Variants in STARD9 observed in about 807,000 individuals in gnomAD.
STARD9 encodes stAR-related lipid transfer protein 9.
A neutral mutation model predicts 399.8 loss-of-function variants in STARD9; 346 were observed. The observed-to-expected ratio is 0.87, with a 90% CI of 0.79 to 0.95. The LOEUF (loss-of-function observed/expected upper bound fraction) is 0.95. STARD9 is among the 40% of genes least tolerant of loss of function. STARD9 has a pLI of 0.00. For synonymous variants in STARD9, 2,203 were observed against 2,143.5 expected (o/e 1.03, Z -0.77); for missense variants, 5,832 against 5,667.5 (o/e 1.03, Z -0.93).
rs764801067 is a variant in STARD9 at position 42,682,367 on chromosome 15, A to G, written c.2329A>G (p.Lys777Glu). Residue 777 changes from lysine (K) to glutamate (E), a missense_variant, in exon 22 of 33, where the codon AAA becomes GAA. Transcript: ENST00000290607. ...CTCATTCCAGCTAGAGAGAATCATCAAAAAGCAGAGGCTGCTGGAGGCCCA... is the reference window on the plus strand; with the variant it reads ...CTCATTCCAGCTAGAGAGAATCATCGAAAAGCAGAGGCTGCTGGAGGCCCA... The part of the protein sequence containing the change: ...KVSFQLERII[K>E]KQRLLEAQKR... The G allele has an allele frequency of 8.6e-5, 132 of 1,537,162 alleles. No homozygotes were observed. The highest frequency in any genetic ancestry group is 9.6e-5 in the Non-Finnish European group (110 of 1,146,912).
intron 1 of STARD9, among the ~76,000 whole-genome samples, chr15:42,579,907 C>T (rs770663496): frequency 7.2e-5 from 11 of 152,252 alleles, no homozygotes; most frequent in Admixed American, 4.6e-4. Context: ...TATGATCAGG[C>T]GTTACCCACC....
intron 3 of STARD9, among the ~76,000 whole-genome samples, chr15:42,612,749 C>T (rs1355894986): frequency 6.6e-6 from 1 of 152,078 alleles, no homozygotes; most frequent in African/African-American, 2.4e-5. Flanking sequence ...ATTGGGAGGC[C>T]GAGGTGGGCG....
chr15:42,688,657 G>A lies in STARD9; in HGVS notation c.7079G>A (p.Cys2360Tyr). ...GCTCTAGGCATCTCTTCACTTGACT[G>A]TGTGCTGGATCTCACAATGTTGAAA... ...PVALGISSLDCVLDLTMLKIH... is the reference protein window; with the variant it reads ...PVALGISSLDYVLDLTMLKIH... The change falls in exon 23 of 33, where the codon TGT becomes TAT. Residue 2360 changes from cysteine to tyrosine, a missense_variant. Coordinates refer to ENST00000290607, the MANE Select transcript of STARD9 (RefSeq NM_020759.3). 6.5e-7 allele frequency: 1 copy of A among 1,537,604 alleles called. No homozygotes were observed. The highest frequency in any genetic ancestry group is 8.7e-7 in the Non-Finnish European group (1 of 1,146,982).
chr15:42,694,072 CCAGCGGTGATCT>C lies in STARD9; in HGVS notation c.12499_12510del (p.Gly4167_Ser4170del). The stretch of plus-strand genomic sequence containing the variant: ...GACATGACTGAGGAGGAGCTGGGGG[CCAGCGGTGATCT>C]CAGCTCTGAAAAGCAGGAACAGAGT... On this transcript the variant is annotated inframe_deletion, in exon 23 of 33. Coordinates refer to ENST00000290607, the MANE Select transcript of STARD9 (RefSeq NM_020759.3). 1 of 1,536,828 alleles carries C rather than the reference CCAGCGGTGATCT, an allele frequency of 6.5e-7. No individual in the cohort carries two copies. The highest frequency in any genetic ancestry group is 8.7e-7 in the Non-Finnish European group (1 of 1,146,806).
chr15:42,716,622 G>A (rs2061355438), intron 26 of STARD9, 55 bp from the exon 27 acceptor site: 1 of 1,099,664 alleles, frequency 9.1e-7, no homozygotes, highest in African/African-American at 1.5e-5. Flanking sequence ...AGAGGCAGAG[G>A]AGATAATTCT....
intron 3 of STARD9, among the ~76,000 whole-genome samples, chr15:42,620,794 G>A (rs567863030): frequency 6.6e-5 from 10 of 151,168 alleles, no homozygotes; most frequent in South Asian, 2.1e-4. Context: ...TCCCTGTGTC[G>A]CCCAGGCTGG....
intron 13 of STARD9, 85 bp downstream of exon 13, chr15:42,664,002 T>C: frequency 1.1e-6 from 1 of 910,120 alleles, no homozygotes; most frequent in Middle Eastern, 2.7e-4. Flanking sequence ...TCTTTCTCTT[T>C]GTACTCACCT....
intron 3 of STARD9, among the ~76,000 whole-genome samples, chr15:42,621,263 A>G (rs142916862): frequency 5.7e-4 from 87 of 152,260 alleles, no homozygotes; most frequent in Admixed American, 2.7e-3. Context: ...CTTTGAAACT[A>G]TGTATTCCGG....
At chr15:42,622,333 A>G (rs983257598) in intron 3 of STARD9, among the ~76,000 whole-genome samples, 7 of 151,976 alleles carry the variant, frequency 4.6e-5, no homozygotes, top group Non-Finnish European at 1.0e-4. Flanking sequence ...TATCACCTGT[A>G]GCTCGCTCTC....
At chr15:42,629,295 A>G (rs2059284353) in intron 3 of STARD9, among the ~76,000 whole-genome samples, 1 of 152,186 alleles carries the variant, frequency 6.6e-6, no homozygotes, top group African/African-American at 2.4e-5. Context: ...CTGGGATTAC[A>G]GGCCTCAACC....
chr15:42,652,749 C>T (rs947415608), intron 9 of STARD9, among the ~76,000 whole-genome samples, 157 bp downstream of exon 9: 2 of 152,124 alleles, frequency 1.3e-5, no homozygotes, highest in Non-Finnish European at 2.9e-5. Context: ...GATCTCGGCT[C>T]ACCTGAACCT....
At chr15:42,698,555 G>A (rs1595800315) in intron 26 of STARD9, among the ~76,000 whole-genome samples, 1 of 152,010 alleles carries the variant, frequency 6.6e-6, no homozygotes, top group Non-Finnish European at 1.5e-5. Flanking sequence ...AAGAATAGCC[G>A]TTTGACTGAT....
At position 42,690,695 on chromosome 15, in the gene STARD9, C is replaced by A. The variant is rs533281909; in HGVS notation, c.9117C>A (p.Ser3039Arg). Residue 3039 changes from serine (S) to arginine (R), a missense_variant, in exon 23 of 33, where the codon AGC (serine) becomes AGA (arginine). By Grantham distance (110) the Ser-to-Arg change is moderately radical. This residue lies in a region of STARD9 where 5,828 missense variants were observed against 5,651.1 expected (regional missense o/e 1.03). Coordinates refer to ENST00000290607, the MANE Select transcript of STARD9 (RefSeq NM_020759.3). ...ACAGGGAATTTAGGCTAACAGAGAG[C>A]AGCACTTGTGAGCCTTCTACTGTGG... ...DVNREFRLTESSTCEPSTVAA... is the reference protein window; with the variant it reads ...DVNREFRLTERSTCEPSTVAA... The A allele has an allele frequency of 3.3e-6, 5 of 1,537,224 alleles. No homozygotes were observed. The highest frequency in any genetic ancestry group is 1.7e-4 in the Middle Eastern group (1 of 5,990).
intron 28 of STARD9, 127 bp from the exon 29 acceptor site, chr15:42,717,604 G>A (rs1191617129): frequency 6.1e-6 from 5 of 825,128 alleles, no homozygotes; most frequent in Non-Finnish European, 9.9e-6. Context: ...CAGCCTGGGT[G>A]ACAGAGCTAG....
At chr15:42,681,033 G>C (rs1013567228) in intron 20 of STARD9, among the ~76,000 whole-genome samples, 1 of 152,168 alleles carries the variant, frequency 6.6e-6, no homozygotes, top group African/African-American at 2.4e-5. Context: ...TGGAGCTTCT[G>C]CTTTACTGAG....
chr15:42,709,707 T>C (rs1264544780), intron 26 of STARD9, among the ~76,000 whole-genome samples: 3 of 152,052 alleles, frequency 2.0e-5, no homozygotes, highest in Admixed American at 2.0e-4. Flanking sequence ...CCCAAAAAAA[T>C]ATTGGAGATG....
In STARD9 at chr15:42,713,356, A is replaced by G. The variant is rs115541077; in HGVS notation, c.13285-3321A>G. Among the ~76,000 whole-genome samples the G allele has an allele frequency of 5.6e-3, 856 of 152,304 alleles. 10 individuals carry two copies. The highest frequency in any genetic ancestry group is 0.019 in the African/African-American group (808 of 41,570). ...TAAAATAGATTCCTTAAGATATTCTATATGCAAGATCATGTCATCTGCCTT... is the reference window on the plus strand; with the variant it reads ...TAAAATAGATTCCTTAAGATATTCTGTATGCAAGATCATGTCATCTGCCTT... On this transcript the variant is annotated intron_variant, in intron 26 of 32. Coordinates refer to ENST00000290607, the MANE Select transcript of STARD9 (RefSeq NM_020759.3).
chr15:42,674,007 T>A (rs1410081538), intron 16 of STARD9: 2 of 457,084 alleles, frequency 4.4e-6, no homozygotes, highest in Non-Finnish European at 8.8e-6. Flanking sequence ...AATGCTTGTT[T>A]GATTGAGACT....
intron 26 of STARD9, among the ~76,000 whole-genome samples, chr15:42,714,111 G>A (rs2061307113): frequency 7.2e-6 from 1 of 138,950 alleles, no homozygotes; most frequent in African/African-American, 2.7e-5. Flanking sequence ...CCCCCAGGCT[G>A]GAGGGCAGTG....
Sources: gnomAD v4.1 joint callset for allele counts (sites outside exome capture counted in the v4.1 genomes callset) on GRCh38, gnomAD v4.1.1 for gene constraint, gnomAD v4.1.1 regional missense constraint, MANE v1.5 for transcripts, NCBI Gene and HGNC (gene_info 2026-07-23, HGNC 2026-07-21) for gene names.